MAN1A2: variants seen among roughly 807,000 people sequenced by gnomAD.
MAN1A2 encodes mannosyl-oligosaccharide 1,2-alpha-mannosidase IB.
In MAN1A2, 26 loss-of-function variants were observed where a neutral mutation model predicts 75.7. The observed-to-expected ratio is 0.34, with a 90% CI of 0.25 to 0.48. MAN1A2 has a LOEUF of 0.48. Ranked by LOEUF, MAN1A2 falls within the 20% of genes least tolerant of loss-of-function variation. The pLI is 0.99. For missense variants in MAN1A2, 562 were observed against 775.5 expected (o/e 0.72, Z 3.27); for synonymous variants, 247 against 264.6 (o/e 0.93, Z 0.65).
chr1:117,442,423 A>G (rs1021465191), intron 6 of MAN1A2, 98 bp downstream of exon 6: 20 of 725,708 alleles, frequency 2.8e-5, no homozygotes, highest in African/African-American at 2.3e-4. Context: ...TTTTAAAGAC[A>G]TATTGTTTTT....
chr1:117,421,398 A>AT (rs980467571), intron 5 of MAN1A2, among the ~76,000 whole-genome samples: 5 of 150,568 alleles, frequency 3.3e-5, no homozygotes, highest in Admixed American at 6.6e-5. Context: ...ATTTTGTTTA[A>AT]TTTTTTTTTG....
chr1:117,515,252 T>C (rs1192620369), intron 12 of MAN1A2: 1 of 156,530 alleles, frequency 6.4e-6, no homozygotes, highest in African/African-American at 2.4e-5. Context: ...ATATAACAAC[T>C]ATTTACATAG....
At chr1:117,385,209 T>C (rs922178039) in intron 1 of MAN1A2, among the ~76,000 whole-genome samples, 1 of 152,174 alleles carries the variant, frequency 6.6e-6, no homozygotes, top group Non-Finnish European at 1.5e-5. Flanking sequence ...ACTTGTGCAG[T>C]CTGAGGTTTT....
intron 6 of MAN1A2, among the ~76,000 whole-genome samples, chr1:117,454,101 A>T (rs941758769): frequency 1.3e-5 from 2 of 152,244 alleles, no homozygotes; most frequent in African/African-American, 4.8e-5. Flanking sequence ...AAAAGGCTAC[A>T]GTATAATGTA....
intron 1 of MAN1A2, among the ~76,000 whole-genome samples, chr1:117,399,279 A>G (rs1012506127): frequency 2.6e-5 from 4 of 152,196 alleles, no homozygotes; most frequent in African/African-American, 9.7e-5. Flanking sequence ...GAGTGATAAC[A>G]TATGAGCTAT....
At chr1:117,375,041 A>G (rs1170453096) in intron 1 of MAN1A2, among the ~76,000 whole-genome samples, 1 of 152,170 alleles carries the variant, frequency 6.6e-6, no homozygotes, top group Non-Finnish European at 1.5e-5. Context: ...TTTAAAGTAT[A>G]GTTTATTGAG....
At chr1:117,486,845 C>T (rs1650720796) in intron 8 of MAN1A2, among the ~76,000 whole-genome samples, 1 of 151,926 alleles carries the variant, frequency 6.6e-6, no homozygotes, top group African/African-American at 2.4e-5. Context: ...AGATACTGAT[C>T]TTTAGTTTGT....
At position 117,373,489 on chromosome 1, in the gene MAN1A2, T is replaced by TTG. The variant is rs1311158744; in HGVS notation, c.302+5005_302+5006insGT. On this transcript the variant is annotated intron_variant, in intron 1 of 12. Coordinates refer to ENST00000356554, the MANE Select transcript of MAN1A2 (RefSeq NM_006699.5). ...TAGATGCCTTTGCTGCATTTGTTTTTTTTTTTTTTTTTTGGGTACATTCTG... is the reference window on the plus strand; with the variant it reads ...TAGATGCCTTTGCTGCATTTGTTTTTTGTTTTTTTTTTTTTGGGTACATTCTG... 3.5e-3 allele frequency among the ~76,000 whole-genome samples: 534 copies of TTG among 151,246 alleles called. 5 individuals are homozygous for TTG. Among genetic ancestry groups the TTG allele is most frequent in the African/African-American group, 0.012 (506 of 41,184 alleles).
chr1:117,458,443 A>G (rs2101832188), intron 6 of MAN1A2, among the ~76,000 whole-genome samples: 1 of 148,930 alleles, frequency 6.7e-6, no homozygotes, highest in South Asian at 2.1e-4. Context: ...ATAAAATATA[A>G]CATATTGAAT....
At chr1:117,491,514 C>T (rs923811170) in intron 8 of MAN1A2, among the ~76,000 whole-genome samples, 2 of 38,618 alleles carry the variant, frequency 5.2e-5, no homozygotes, top group Non-Finnish European at 6.8e-5. Context: ...TGCACCTGAT[C>T]ACCATTTTCT....
chr1:117,427,851 A>G (rs890727534), intron 5 of MAN1A2, among the ~76,000 whole-genome samples: 3 of 152,192 alleles, frequency 2.0e-5, no homozygotes, highest in Non-Finnish European at 4.4e-5. Context: ...TTAGGCAAAA[A>G]CCATAGCATT....
rs143052892 is a variant in MAN1A2 at position 117,402,351 on chromosome 1, G to C, written c.468G>C (p.Leu156=). 6.2e-7 allele frequency: 1 copy of C among 1,613,782 alleles called. No homozygotes were observed. The highest frequency in any genetic ancestry group is 2.2e-5 in the East Asian group (1 of 44,850). Residue 156 remains leucine, a synonymous_variant, in exon 2 of 13, where the codon CTG becomes CTC. Coordinates refer to ENST00000356554, the MANE Select transcript of MAN1A2 (RefSeq NM_006699.5). ...QEMKIKENKP[L]PPVPIPNLVG... ...TGAAGATAAAAGAGAACAAGCCACT[G>C]CCACCAGTCCCTATTCCCAACCTTG... is the stretch of plus-strand genomic sequence containing the variant.
intron 1 of MAN1A2, among the ~76,000 whole-genome samples, chr1:117,370,191 G>A (rs767809084): frequency 6.6e-6 from 1 of 152,170 alleles, no homozygotes; most frequent in Non-Finnish European, 1.5e-5. Context: ...ATATGCATAT[G>A]TATTTAGCTA....
At position 117,527,426 on chromosome 1, in the gene MAN1A2, T is replaced by C. The variant is rs1652059033; in HGVS notation, c.*4469T>C. 1 of 152,042 alleles carries C rather than the reference T, an allele frequency of 6.6e-6. No individual in the cohort carries two copies. Among genetic ancestry groups the C allele is most frequent in the Non-Finnish European group, 1.5e-5 (1 of 67,938 alleles). 9.4% of individuals were successfully genotyped at this position (152,042 alleles called of 1,614,324 possible). On this transcript the variant is annotated 3_prime_UTR_variant, in exon 13 of 13. Transcript: ENST00000356554. ...TCTAACCTTTGATCTGCGTCTTTTC[T>C]GTTTTGATTTACATAATTCATTTTT...
At chr1:117,369,539 C>A (rs932942287) in intron 1 of MAN1A2, among the ~76,000 whole-genome samples, 2 of 152,132 alleles carry the variant, frequency 1.3e-5, no homozygotes, top group African/African-American at 4.8e-5. Context: ...TGGGAAAATG[C>A]ACTGTTTTAT....
At chr1:117,438,431 A>G (rs1223803769) in intron 5 of MAN1A2, among the ~76,000 whole-genome samples, 1 of 152,230 alleles carries the variant, frequency 6.6e-6, no homozygotes, top group Non-Finnish European at 1.5e-5. Flanking sequence ...GTAAGGTTAC[A>G]GTAAGCCAAA....
intron 5 of MAN1A2, among the ~76,000 whole-genome samples, chr1:117,434,652 A>C (rs1037236266): frequency 1.3e-5 from 2 of 152,170 alleles, no homozygotes; most frequent in African/African-American, 4.8e-5. Flanking sequence ...GGATAAAATT[A>C]AACTATAAAC....
At chr1:117,510,383 AT>A (rs1459104832) in intron 12 of MAN1A2, among the ~76,000 whole-genome samples, 1 of 152,078 alleles carries the variant, frequency 6.6e-6, no homozygotes, top group Non-Finnish European at 1.5e-5. Flanking sequence ...GTATGGAGAC[AT>A]TTAGGCACTA....
rs903748628 is a variant in MAN1A2 at position 117,428,125 on chromosome 1, T to G, written c.855+7476T>G. Among the ~76,000 whole-genome samples the G allele has an allele frequency of 8.4e-4, 128 of 151,580 alleles. 1 individual carries two copies. In the Middle Eastern group the frequency reaches 0.01, roughly 12 times the overall value. On this transcript the variant is annotated intron_variant, in intron 5 of 12. Transcript: ENST00000356554. ...TCTCTCTCTCTCTATTTTTTTTTTT[T>G]TGGGGGGGGACCGAGTCTCACTCTT...
Sources: allele counts gnomAD v4.1 joint callset (sites outside exome capture counted in the v4.1 genomes callset), GRCh38; gene constraint gnomAD v4.1.1; transcripts MANE v1.5; gene names NCBI Gene and HGNC (gene_info 2026-07-23, HGNC 2026-07-21).